Variants in TRIO observed in about 807,000 individuals in gnomAD.
TRIO encodes trio Rho guanine nucleotide exchange factor, also known as triple functional domain protein.
Under a neutral mutation model 351.9 loss-of-function variants are expected in TRIO, and 58 were observed. That is an observed-to-expected ratio of 0.16 (90% CI 0.13 to 0.21). The LOEUF (loss-of-function observed/expected upper bound fraction) is 0.21. TRIO is among the 10% of genes least tolerant of loss of function. TRIO has a pLI of 1.00. For synonymous variants in TRIO, 1,758 were observed against 1,595.7 expected (o/e 1.10, Z -2.42); for missense variants, 3,201 against 4,027.8 (o/e 0.79, Z 5.56).
chr5:14,309,186 C>T (rs528586253), intron 8 of TRIO, among the ~76,000 whole-genome samples: 4 of 150,470 alleles, frequency 2.7e-5, no homozygotes, highest in Middle Eastern at 3.5e-3. Context: ...TTGTGCATTT[C>T]GAATCCAATA....
rs562554693 is a variant in TRIO at position 14,349,227 on chromosome 5, CTG to C, written c.2047-8945_2047-8944del. 2.7e-4 allele frequency among the ~76,000 whole-genome samples: 36 copies of C among 132,840 alleles called. 1 individual carries two copies. The highest frequency in any genetic ancestry group is 1.9e-3 in the South Asian group (8 of 4,150). 87.1% of individuals were successfully genotyped at this position (132,840 alleles called of 152,430 possible). A position where few individuals can be genotyped will look rare whatever the true frequency, so the allele number is the denominator to read the frequency against. On this transcript the variant is annotated intron_variant, in intron 11 of 56. Transcript: ENST00000344204. ...ACACACATGATCATGTGTGTTTTTC[CTG>C]TGTGTTTGTGTGTGCACACACGTGA...
chr5:14,336,311 G>A (rs1322432240), intron 10 of TRIO, among the ~76,000 whole-genome samples: 1 of 152,148 alleles, frequency 6.6e-6, no homozygotes, highest in African/African-American at 2.4e-5. Context: ...TTCAATACAA[G>A]GGTTTTGATA....
At chr5:14,349,588 T>G (rs971121646) in intron 11 of TRIO, among the ~76,000 whole-genome samples, 5 of 152,242 alleles carry the variant, frequency 3.3e-5, no homozygotes, top group Non-Finnish European at 7.3e-5. Context: ...CCAGGAAGTT[T>G]CCAAGTGGCA....
intron 19 of TRIO, among the ~76,000 whole-genome samples, chr5:14,376,115 G>A (rs538500196): frequency 6.6e-6 from 1 of 152,172 alleles, no homozygotes; most frequent in South Asian, 2.1e-4. Context: ...GAGAGAGTCT[G>A]TTGTTAGGCT....
chr5:14,288,613 G>A (rs2152283066), intron 4 of TRIO, among the ~76,000 whole-genome samples: 1 of 151,902 alleles, frequency 6.6e-6, no homozygotes, highest in South Asian at 2.1e-4. Flanking sequence ...CTTGCAGTGA[G>A]CCGAGATTGT....
chr5:14,244,136 T>C (rs1383450146), intron 1 of TRIO, among the ~76,000 whole-genome samples: 1 of 152,236 alleles, frequency 6.6e-6, no homozygotes, highest in East Asian at 1.9e-4. Context: ...CACTTTAACA[T>C]AGGGATTGAT....
chr5:14,320,563 C>T (rs1273117977), intron 9 of TRIO, among the ~76,000 whole-genome samples: 1 of 152,166 alleles, frequency 6.6e-6, no homozygotes, highest in Non-Finnish European at 1.5e-5. Flanking sequence ...GCAGGACCCT[C>T]CAGGGCCATG....
Position 14,487,930 on chromosome 5 carries a change from C to G in TRIO, c.7302C>G (p.Ala2434=), listed in dbSNP as rs770204443. Residue 2434 remains alanine, a synonymous_variant, in exon 48 of 57, where the codon GCC becomes GCG. Coordinates refer to ENST00000344204, the MANE Select transcript of TRIO (RefSeq NM_007118.4). ...NASGSSPDAP[A]KDARASLGTL... is the part of the protein sequence containing the mutation. ...CGGGGTCGAGCCCAGACGCCCCCGC[C>G]AAGGACGCGCGCGCTAGCCTGGGCA... 1.0e-5 allele frequency: 16 copies of G among 1,540,350 alleles called. No individual in the cohort carries two copies. Among genetic ancestry groups the G allele is most frequent in the Middle Eastern group, 1.9e-4 (1 of 5,268 alleles).
At chr5:14,385,751 TA>T (rs1171020087) in intron 21 of TRIO, among the ~76,000 whole-genome samples, 1 of 152,266 alleles carries the variant, frequency 6.6e-6, no homozygotes, top group African/African-American at 2.4e-5. Flanking sequence ...TATACTGAGA[TA>T]TTTTTAAAGT....
chr5:14,219,669 T>C (rs1402053298), intron 1 of TRIO, among the ~76,000 whole-genome samples: 1 of 152,192 alleles, frequency 6.6e-6, no homozygotes, highest in Non-Finnish European at 1.5e-5. Context: ...TAGTGTCACC[T>C]GGAATACCTG....
rs1579806969 is a variant in TRIO at position 14,488,228 on chromosome 5, G to A, written c.7600G>A (p.Glu2534Lys). 2 of 1,586,828 alleles carry A rather than the reference G, an allele frequency of 1.3e-6. No individual in the cohort carries two copies. The highest frequency in any genetic ancestry group is 1.7e-6 in the Non-Finnish European group (2 of 1,173,970). Residue 2534 changes from glutamate (E) to lysine (K), a missense_variant, in exon 48 of 57, where the codon GAG becomes AAG. By Grantham distance (56) the Glu-to-Lys change is moderately conservative. Transcript: ENST00000344204. ...DRMSTCSSASEQSVQSTQSNG... is the reference protein window; with the variant it reads ...DRMSTCSSASKQSVQSTQSNG... ...CATGAGCACGTGCTCCTCGGCCAGC[G>A]AGCAGTCCGTGCAGTCCACCCAGAG...
chr5:14,454,274 C>T (rs577595478), intron 34 of TRIO, among the ~76,000 whole-genome samples: 1 of 152,248 alleles, frequency 6.6e-6, no homozygotes, highest in African/African-American at 2.4e-5. Flanking sequence ...CTGTCCTGAG[C>T]CCCCACCCCG....
At chr5:14,209,460 C>T (rs1190418139) in intron 1 of TRIO, among the ~76,000 whole-genome samples, 1 of 152,182 alleles carries the variant, frequency 6.6e-6, no homozygotes, top group Non-Finnish European at 1.5e-5. Flanking sequence ...TGAGGCAAGT[C>T]CCAGTTACTA....
At chr5:14,423,122 G>T (rs770937337) in intron 34 of TRIO, among the ~76,000 whole-genome samples, 1 of 152,176 alleles carries the variant, frequency 6.6e-6, no homozygotes, top group Non-Finnish European at 1.5e-5. Flanking sequence ...AACAGACGCC[G>T]GGCATAGCAG....
intron 48 of TRIO, among the ~76,000 whole-genome samples, chr5:14,489,780 C>G (rs945306460): frequency 6.6e-6 from 1 of 152,182 alleles, no homozygotes; most frequent in Admixed American, 6.5e-5. Flanking sequence ...GAGGCCAAGG[C>G]GCAATCTGCA....
chr5:14,176,231 G>A (rs1789393424), intron 1 of TRIO, among the ~76,000 whole-genome samples: 1 of 152,168 alleles, frequency 6.6e-6, no homozygotes, highest in South Asian at 2.1e-4. Flanking sequence ...CAGCACTTTG[G>A]GAAGCTGAGG....
chr5:14,280,566 CTT>C, intron 3 of TRIO, 130 bp downstream of exon 3: 1 of 776,546 alleles, frequency 1.3e-6, no homozygotes, highest in Non-Finnish European at 2.1e-6. Flanking sequence ...AAGTCATTAT[CTT>C]TCACCTTATT....
intron 11 of TRIO, among the ~76,000 whole-genome samples, chr5:14,346,169 C>T (rs570479446): frequency 3.1e-4 from 47 of 152,292 alleles, no homozygotes; most frequent in African/African-American, 1.1e-3. Flanking sequence ...GTTTTCCCTT[C>T]CATTTGTTGA....
intron 34 of TRIO, among the ~76,000 whole-genome samples, chr5:14,425,338 CT>C (rs1241379347): frequency 6.6e-6 from 1 of 152,150 alleles, no homozygotes; most frequent in Non-Finnish European, 1.5e-5. Flanking sequence ...CCTTTTGGGA[CT>C]GTTTATTTCT....
Sources: gnomAD v4.1 joint callset for allele counts (sites outside exome capture counted in the v4.1 genomes callset) on GRCh38, gnomAD v4.1.1 for gene constraint, MANE v1.5 for transcripts, NCBI Gene and HGNC (gene_info 2026-07-23, HGNC 2026-07-21) for gene names.